The following DYM variants were observed in gnomAD, a reference collection of about 807,000 sequenced individuals.
DYM encodes dyggve-Melchior-Clausen syndrome protein.
Under a neutral mutation model 93.1 loss-of-function variants are expected in DYM, and 78 were observed. The ratio of observed to expected loss-of-function variants is 0.84; its 90% CI spans 0.70 to 1.01. The LOEUF (loss-of-function observed/expected upper bound fraction) is 1.01. Among genes scored for constraint, DYM ranks in the 50% least tolerant of loss-of-function variants. The pLI, the probability that DYM is intolerant of heterozygous loss-of-function variation, is 0.00. For missense variants in DYM, 789 were observed against 845.0 expected (o/e 0.93, Z 0.82); for synonymous variants, 321 against 319.7 (o/e 1.00, Z -0.04).
At chr18:49,366,403 T>C (rs12455129) in intron 5 of DYM, among the ~76,000 whole-genome samples, 12,159 of 152,298 alleles carry the variant, frequency 0.08, 767 homozygotes, top group East Asian at 0.31. Context: ...ACTGAGGTTC[T>C]TTGAGCAAAG....
At chr18:49,353,852 G>C (rs976064780) in intron 6 of DYM, among the ~76,000 whole-genome samples, 3 of 151,976 alleles carry the variant, frequency 2.0e-5, no homozygotes, top group African/African-American at 7.2e-5. Context: ...CTCTTAATGT[G>C]ATCTACAGAT....
intron 16 of DYM, among the ~76,000 whole-genome samples, chr18:49,100,154 T>C (rs1000404775): frequency 2.0e-5 from 3 of 152,172 alleles, no homozygotes; most frequent in South Asian, 4.1e-4. Context: ...AGGCCAATAC[T>C]ATTAGTAAAA....
At position 49,280,480 on chromosome 18, in the gene DYM, G is replaced by A. The variant is rs112829600; in HGVS notation, c.1125+1517C>T. 4.7e-3 allele frequency among the ~76,000 whole-genome samples: 715 copies of A among 152,198 alleles called. 5 individuals are homozygous for A. The highest frequency in any genetic ancestry group is 0.017 in the African/African-American group (693 of 41,530). ...GACGAGTAACATGAACTTGGTGGGC[G>A]GGTACTTAGCAGATGGCAGCGACCG... On this transcript the variant is annotated intron_variant, in intron 10 of 17. Coordinates refer to ENST00000675505, the MANE Select transcript of DYM (RefSeq NM_001353214.3).
At chr18:49,047,205 C>T (rs1465160440) in intron 17 of DYM, among the ~76,000 whole-genome samples, 3 of 152,340 alleles carry the variant, frequency 2.0e-5, no homozygotes, top group South Asian at 2.1e-4. Flanking sequence ...CTACCTAGGC[C>T]TAGATCTCCC....
In DYM at chr18:49,441,039, TAAA is replaced by T. The variant is rs2081417106; in HGVS notation, c.-53-10595_-53-10593del. Among the ~76,000 whole-genome samples the T allele has an allele frequency of 3.8e-4, 3 of 7,892 alleles. 1 individual carries two copies. The highest frequency in any genetic ancestry group is 7.7e-4 in the Non-Finnish European group (3 of 3,906). The allele number at this position is 7,892 out of a possible 152,430, so 5.2% of individuals were successfully genotyped here. A position where few individuals can be genotyped will look rare whatever the true frequency, so the allele number is the denominator to read the frequency against. The stretch of plus-strand genomic sequence containing the variant: ...ATTATATATATTTATATATAATATA[TAAA>T]TATATAATATATTTATATATATTAT... On this transcript the variant is annotated intron_variant, in intron 1 of 17. Transcript: ENST00000675505.
intron 3 of DYM, among the ~76,000 whole-genome samples, chr18:49,389,270 T>C (rs2068947669): frequency 6.6e-6 from 1 of 152,144 alleles, no homozygotes; most frequent in African/African-American, 2.4e-5. Context: ...ACATTCCTGA[T>C]ACAATGTCAA....
intron 13 of DYM, among the ~76,000 whole-genome samples, chr18:49,221,340 C>T (rs1248094967): frequency 2.6e-5 from 4 of 152,162 alleles, no homozygotes; most frequent in Non-Finnish European, 5.9e-5. Context: ...TTGTGGAAGT[C>T]GGTGTGGCGA....
chr18:49,424,666 CCTT>C (rs1318026105), intron 2 of DYM, among the ~76,000 whole-genome samples: 1 of 152,146 alleles, frequency 6.6e-6, no homozygotes, highest in African/African-American at 2.4e-5. Flanking sequence ...TCCAAAATCT[CCTT>C]AAGCTGATAA....
chr18:49,215,454 T>A (rs867650946), intron 13 of DYM, among the ~76,000 whole-genome samples: 5 of 152,214 alleles, frequency 3.3e-5, no homozygotes, highest in Non-Finnish European at 7.3e-5. Context: ...TATTATAGTT[T>A]TGAAATTCTT....
chr18:49,232,783 ATTTTT>A (rs2093742696), intron 13 of DYM, among the ~76,000 whole-genome samples: 1 of 151,482 alleles, frequency 6.6e-6, no homozygotes, highest in Non-Finnish European at 1.5e-5. Context: ...TAATTTTGGC[ATTTTT>A]AGTAGAGACC....
At chr18:49,350,727 A>G (rs985326046) in intron 6 of DYM, among the ~76,000 whole-genome samples, 3 of 69,262 alleles carry the variant, frequency 4.3e-5, no homozygotes, top group East Asian at 5.8e-4. Flanking sequence ...AAAAAAAAAG[A>G]AAAAAAAAAA....
chr18:49,254,810 C>T (rs2094359094), intron 13 of DYM, among the ~76,000 whole-genome samples: 1 of 152,064 alleles, frequency 6.6e-6, no homozygotes, highest in African/African-American at 2.4e-5. Flanking sequence ...TATAAAACTG[C>T]ACATAAACAG....
chr18:49,380,709 A>G (rs75817270), intron 3 of DYM, among the ~76,000 whole-genome samples: 12,143 of 152,248 alleles, frequency 0.08, 766 homozygotes, highest in East Asian at 0.31. Flanking sequence ...ATTCATCAGA[A>G]GGGAGAGACT....
At chr18:49,277,448 T>C (rs570531433) in intron 10 of DYM, among the ~76,000 whole-genome samples, 1 of 152,166 alleles carries the variant, frequency 6.6e-6, no homozygotes, top group South Asian at 2.1e-4. Context: ...AAAGCCAAGG[T>C]ATATGTTTGT....
chr18:49,396,537 A>C (rs907326604), intron 2 of DYM, among the ~76,000 whole-genome samples: 16 of 152,222 alleles, frequency 1.1e-4, no homozygotes, highest in Non-Finnish European at 8.8e-5. Context: ...ATTTTAGAGC[A>C]TTCTGGATTT....
intron 15 of DYM, among the ~76,000 whole-genome samples, chr18:49,143,069 C>A (rs1010394487): frequency 1.3e-5 from 2 of 152,150 alleles, no homozygotes; most frequent in Admixed American, 6.5e-5. Context: ...ATGATCATAC[C>A]TATCATTTAC....
intron 15 of DYM, among the ~76,000 whole-genome samples, chr18:49,138,955 T>C (rs1416363666): frequency 6.6e-6 from 1 of 152,202 alleles, no homozygotes; most frequent in African/African-American, 2.4e-5. Context: ...AATTGTGGAA[T>C]GCATAATTTA....
chr18:49,226,066 T>A (rs75039066), intron 13 of DYM, among the ~76,000 whole-genome samples: 11,924 of 152,054 alleles, frequency 0.078, 753 homozygotes, highest in East Asian at 0.3. Flanking sequence ...CTCTTCCACA[T>A]AGAAAACAAA....
At chr18:49,058,605 G>A (rs1029187602) in intron 17 of DYM, among the ~76,000 whole-genome samples, 3 of 152,142 alleles carry the variant, frequency 2.0e-5, no homozygotes, top group African/African-American at 4.8e-5. Flanking sequence ...GAGCCACACT[G>A]CCTGACACAA....
Sources: gnomAD v4.1 joint callset for allele counts (sites outside exome capture counted in the v4.1 genomes callset) on GRCh38, gnomAD v4.1.1 for gene constraint, MANE v1.5 for transcripts, NCBI Gene and HGNC (gene_info 2026-07-23, HGNC 2026-07-21) for gene names.